NTM: variants seen among roughly 807,000 people sequenced by gnomAD.
NTM encodes the protein neurotrimin, also known as IgLON family member 2.
Under a neutral mutation model 42.1 loss-of-function variants are expected in NTM, and 13 were observed. The observed-to-expected ratio is 0.31, with a 90% CI of 0.20 to 0.49. The LOEUF (loss-of-function observed/expected upper bound fraction) is 0.49, where lower values mean the gene tolerates loss of function less well. Ranked by LOEUF, NTM falls within the 20% of genes least tolerant of loss-of-function variation. The probability of loss-of-function intolerance (pLI) is 0.99; values close to 1 mark genes in which losing one functional copy is unlikely to be tolerated. For missense variants in NTM, 373 were observed against 452.8 expected (o/e 0.82, Z 1.60); for synonymous variants, 187 against 179.2 (o/e 1.04, Z -0.35).
chr11:131,731,852 A>G (rs776758845), intron 1 of NTM, among the ~76,000 whole-genome samples: 3 of 152,146 alleles, frequency 2.0e-5, no homozygotes, highest in Non-Finnish European at 4.4e-5. Context: ...TGAGCTGGGT[A>G]TGCTGGTTAT....
chr11:131,391,243 C>T lies in NTM; in HGVS notation c.82+20355C>T, dbSNP rs1451038008. On this transcript the variant is annotated intron_variant, in intron 1 of 8. Transcript: ENST00000683400. ...GGTCTCTATGTTTCCTGAGTCTGTA[C>T]CCTTATTCATTCTCACGCAGCCTCT... Among the ~76,000 whole-genome samples the T allele has an allele frequency of 2.0e-5, 3 of 152,196 alleles. No homozygotes were observed. In the East Asian group the frequency reaches 5.8e-4, roughly 29 times the overall value.
At chr11:131,673,660 G>T (rs970635395) in intron 1 of NTM, among the ~76,000 whole-genome samples, 2 of 152,152 alleles carry the variant, frequency 1.3e-5, no homozygotes, top group African/African-American at 4.8e-5. Flanking sequence ...ATCCCTCACT[G>T]GGAGCACTGC....
At chr11:131,760,666 G>C (rs1289375375) in intron 1 of NTM, among the ~76,000 whole-genome samples, 2 of 152,166 alleles carry the variant, frequency 1.3e-5, no homozygotes, top group Non-Finnish European at 2.9e-5. Context: ...TCAGTGCTGT[G>C]TGGGGGCCGG....
At chr11:132,243,841 G>T (rs921525623) in intron 4 of NTM, among the ~76,000 whole-genome samples, 17 of 152,210 alleles carry the variant, frequency 1.1e-4, no homozygotes, top group African/African-American at 4.1e-4. Flanking sequence ...TGGCATATTG[G>T]CCCACAGAAC....
At chr11:132,218,315 TC>T (rs1252923326) in intron 4 of NTM, among the ~76,000 whole-genome samples, 1 of 152,194 alleles carries the variant, frequency 6.6e-6, no homozygotes, top group East Asian at 1.9e-4. Flanking sequence ...TTTTTCTAAA[TC>T]CATCTATGCC....
chr11:131,986,025 C>T (rs948862999), intron 2 of NTM, among the ~76,000 whole-genome samples: 5 of 152,132 alleles, frequency 3.3e-5, no homozygotes, highest in Admixed American at 3.3e-4. Context: ...TAGTTATTTC[C>T]CCTCTGAATT....
At chr11:131,536,696 G>A (rs989864953) in intron 1 of NTM, 1 of 152,106 alleles carries the variant, frequency 6.6e-6, no homozygotes, top group African/African-American at 2.4e-5. Context: ...TGATGTATAC[G>A]CATGAAACAA....
intron 1 of NTM, among the ~76,000 whole-genome samples, chr11:131,479,597 G>C (rs1241114918): frequency 6.6e-6 from 1 of 152,216 alleles, no homozygotes; most frequent in African/African-American, 2.4e-5. Flanking sequence ...CTCTGGAACA[G>C]CCAGAAAAGT....
intron 1 of NTM, among the ~76,000 whole-genome samples, chr11:131,511,595 G>T (rs2048259256): frequency 1.3e-5 from 2 of 152,126 alleles, no homozygotes; most frequent in African/African-American, 2.4e-5. Flanking sequence ...AAACCCCGAG[G>T]TTATACATAT....
chr11:131,929,342 G>A (rs990906090), intron 2 of NTM, among the ~76,000 whole-genome samples: 2 of 152,202 alleles, frequency 1.3e-5, no homozygotes, highest in Non-Finnish European at 2.9e-5. Context: ...ACATGTGGGC[G>A]GGGCCTGGTC....
chr11:131,966,649 C>T (rs561873379), intron 2 of NTM, among the ~76,000 whole-genome samples: 1 of 152,146 alleles, frequency 6.6e-6, no homozygotes, highest in South Asian at 2.1e-4. Flanking sequence ...TGTCCATGGG[C>T]AGGGGTGGCT....
intron 2 of NTM, among the ~76,000 whole-genome samples, chr11:132,012,378 T>C (rs2072403390): frequency 6.6e-6 from 1 of 152,148 alleles, no homozygotes; most frequent in South Asian, 2.1e-4. Flanking sequence ...TAATCAATGC[T>C]TTTGGAATGA....
intron 1 of NTM, among the ~76,000 whole-genome samples, chr11:131,550,636 T>C (rs2136906374): frequency 6.6e-6 from 1 of 152,322 alleles, no homozygotes; most frequent in Non-Finnish European, 1.5e-5. Flanking sequence ...TGTGGAACCA[T>C]GAGCCAATTA....
At chr11:131,449,963 T>C (rs150330856) in intron 1 of NTM, among the ~76,000 whole-genome samples, 1 of 152,202 alleles carries the variant, frequency 6.6e-6, no homozygotes, top group African/African-American at 2.4e-5. Context: ...ACGCATTGGA[T>C]TAGGAGACCT....
In NTM at chr11:131,746,355, A is replaced by G. The variant is rs2658860; in HGVS notation, c.83-165209A>G. Among the ~76,000 whole-genome samples, 995 of 152,254 alleles carry G rather than the reference A, an allele frequency of 6.5e-3. 10 individuals carry two copies. Among genetic ancestry groups the G allele is most frequent in the Non-Finnish European group, 8.9e-3 (603 of 68,028 alleles). On this transcript the variant is annotated intron_variant, in intron 1 of 8. Coordinates refer to ENST00000683400, the MANE Select transcript of NTM (RefSeq NM_001352005.2). ...CGCTCTTTTTCAACGCCGGAAAAGT[A>G]AAACATTGCCCAATGGGGAGCTCTC...
At chr11:131,666,416 TGAG>T (rs757142312) in intron 1 of NTM, among the ~76,000 whole-genome samples, 12 of 152,304 alleles carry the variant, frequency 7.9e-5, no homozygotes, top group Non-Finnish European at 1.0e-4. Context: ...CTAGCTTCAC[TGAG>T]GAGGAGATCA....
At chr11:131,890,871 G>A (rs1310476746) in intron 1 of NTM, among the ~76,000 whole-genome samples, 1 of 152,156 alleles carries the variant, frequency 6.6e-6, no homozygotes, top group Non-Finnish European at 1.5e-5. Flanking sequence ...CAGTGGGATG[G>A]CAGGTCTAGG....
At chr11:131,421,549 A>G (rs1259412825) in intron 1 of NTM, among the ~76,000 whole-genome samples, 1 of 152,186 alleles carries the variant, frequency 6.6e-6, no homozygotes, top group Non-Finnish European at 1.5e-5. Flanking sequence ...GGACTCATTT[A>G]TAGGAAGCTA....
rs546728932 is a variant in NTM at position 131,810,278 on chromosome 11, C to T, written c.83-101286C>T. On this transcript the variant is annotated intron_variant, in intron 1 of 8. Transcript: ENST00000683400. ...ACATTGACTCCCTGTCCCCATGTTG[C>T]TCAGATTCCCTCATATTTCTTCTTA... Among the ~76,000 whole-genome samples the T allele has an allele frequency of 1.0e-3, 152 of 152,284 alleles. 1 individual carries two copies. The highest frequency in any genetic ancestry group is 3.6e-3 in the African/African-American group (151 of 41,556).
Sources: gnomAD v4.1 joint callset for allele counts (sites outside exome capture counted in the v4.1 genomes callset) on GRCh38, gnomAD v4.1.1 for gene constraint, MANE v1.5 for transcripts, NCBI Gene and HGNC (gene_info 2026-07-23, HGNC 2026-07-21) for gene names.